PTPRD: variants seen among roughly 807,000 people sequenced by gnomAD.
PTPRD encodes receptor-type tyrosine-protein phosphatase delta.
In PTPRD, 34 loss-of-function variants were observed where a neutral mutation model predicts 214.5. That is an observed-to-expected ratio of 0.16 (90% CI 0.12 to 0.21). The LOEUF (loss-of-function observed/expected upper bound fraction) is 0.21. Ranked by LOEUF, PTPRD falls within the 10% of genes least tolerant of loss-of-function variation. PTPRD has a pLI of 1.00. For synonymous variants in PTPRD, 1,128 were observed against 845.7 expected, an observed-to-expected ratio of 1.33 and a Z score of -5.79; for missense variants, 2,545 against 2,398.7, an observed-to-expected ratio of 1.06 and a Z score of -1.27.
At chr9:9,946,136 C>A (rs939900464) in intron 4 of PTPRD, among the ~76,000 whole-genome samples, 5 of 147,572 alleles carry the variant, frequency 3.4e-5, no homozygotes, top group African/African-American at 1.3e-4. Flanking sequence ...CATACTAAAT[C>A]ATTACCTTGT....
intron 9 of PTPRD, among the ~76,000 whole-genome samples, chr9:9,322,380 A>G (rs1377588453): frequency 6.6e-6 from 1 of 152,172 alleles, no homozygotes. Context: ...GAGTATATTC[A>G]TTATTGTACA....
chr9:9,280,660 T>G (rs770942536), intron 9 of PTPRD, among the ~76,000 whole-genome samples: 2 of 151,278 alleles, frequency 1.3e-5, no homozygotes, highest in Non-Finnish European at 3.0e-5. Flanking sequence ...ATATTTCATG[T>G]TAATGAATAA....
At chr9:8,722,377 C>G (rs2098510088) in intron 12 of PTPRD, among the ~76,000 whole-genome samples, 1 of 152,054 alleles carries the variant, frequency 6.6e-6, no homozygotes, top group Admixed American at 6.6e-5. Flanking sequence ...GTTACTAACA[C>G]CATGTACTAT....
chr9:10,444,631 C>A (rs2098785860), intron 2 of PTPRD, among the ~76,000 whole-genome samples: 1 of 151,046 alleles, frequency 6.6e-6, no homozygotes, highest in Non-Finnish European at 1.5e-5. Context: ...AGATTAATGA[C>A]AAGTTTATTT....
chr9:10,477,637 A>G (rs1313122372), intron 2 of PTPRD, among the ~76,000 whole-genome samples: 3 of 152,152 alleles, frequency 2.0e-5, no homozygotes, highest in Non-Finnish European at 2.9e-5. Context: ...CTGGGTATAT[A>G]CCCAAAGGAT....
intron 7 of PTPRD, among the ~76,000 whole-genome samples, chr9:9,576,688 T>A (rs772870897): frequency 6.6e-6 from 1 of 152,182 alleles, no homozygotes; most frequent in Non-Finnish European, 1.5e-5. Flanking sequence ...AATATTACCA[T>A]TGTAGAATAA....
intron 30 of PTPRD, among the ~76,000 whole-genome samples, chr9:8,478,799 A>C (rs2135454043): frequency 6.6e-6 from 1 of 152,330 alleles, no homozygotes; most frequent in South Asian, 2.1e-4. Context: ...CCAAGTATGA[A>C]AGTAAAGAGA....
intron 3 of PTPRD, among the ~76,000 whole-genome samples, chr9:10,220,269 A>G (rs557409340): frequency 1.9e-4 from 29 of 152,018 alleles, no homozygotes; most frequent in African/African-American, 6.7e-4. Flanking sequence ...TATACTTACT[A>G]TGTTGCAGGC....
Position 8,733,846 on chromosome 9 carries a change from TGCAGCTTG to T in PTPRD, c.-11_-4del. On this transcript the variant is annotated 5_prime_UTR_variant, in exon 12 of 46. Transcript: ENST00000381196. ...AGCAGCCTGGCTACGTGCACCATCC[TGCAGCTTG>T]GCAGCAGCGTGCGCGAGCAGCTTGG... The T allele has an allele frequency of 6.4e-7, 1 of 1,551,142 alleles. No individual in the cohort carries two copies. Among genetic ancestry groups the T allele is most frequent in the East Asian group, 2.4e-5 (1 of 40,948 alleles).
intron 7 of PTPRD, among the ~76,000 whole-genome samples, chr9:9,688,088 CA>C (rs1167826260): frequency 6.6e-6 from 1 of 151,810 alleles, no homozygotes; most frequent in Non-Finnish European, 1.5e-5. Flanking sequence ...GCTTCTCCCT[CA>C]ACTTCTGCCA....
intron 8 of PTPRD, among the ~76,000 whole-genome samples, chr9:9,424,490 G>A (rs906780684): frequency 4.6e-5 from 7 of 152,168 alleles, no homozygotes; most frequent in Non-Finnish European, 1.0e-4. Context: ...GGGATGACAT[G>A]TAGAAGAAAA....
chr9:10,537,436 G>A (rs985709881), intron 2 of PTPRD, among the ~76,000 whole-genome samples: 1 of 152,070 alleles, frequency 6.6e-6, no homozygotes, highest in Non-Finnish European at 1.5e-5. Flanking sequence ...ATGTGAGATC[G>A]AGTATGTAAA....
intron 9 of PTPRD, among the ~76,000 whole-genome samples, chr9:9,224,616 G>T (rs1414701128): frequency 6.6e-6 from 1 of 151,806 alleles, no homozygotes; most frequent in African/African-American, 2.4e-5. Flanking sequence ...TATTAATTAT[G>T]GTTATATTTT....
intron 5 of PTPRD, among the ~76,000 whole-genome samples, chr9:9,855,870 C>A (rs1340897028): frequency 6.6e-6 from 1 of 152,214 alleles, no homozygotes; most frequent in Non-Finnish European, 1.5e-5. Context: ...TAAGCGCTAG[C>A]AGCTCAGTGG....
At chr9:10,541,926 TA>T (rs776964533) in intron 2 of PTPRD, among the ~76,000 whole-genome samples, 1 of 152,246 alleles carries the variant, frequency 6.6e-6, no homozygotes, top group South Asian at 2.1e-4. Flanking sequence ...CCCTGGCAGA[TA>T]AAACTGAAGT....
intron 12 of PTPRD, among the ~76,000 whole-genome samples, chr9:8,728,753 G>C (rs532861323): frequency 6.6e-6 from 1 of 152,292 alleles, no homozygotes; most frequent in African/African-American, 2.4e-5. Context: ...GCTGAGGCAA[G>C]TGGATGATTT....
chr9:9,056,132 G>T (rs568005984), intron 10 of PTPRD, among the ~76,000 whole-genome samples: 1 of 152,090 alleles, frequency 6.6e-6, no homozygotes, highest in Non-Finnish European at 1.5e-5. Context: ...TAGACTTCTA[G>T]ACCTCAGTAT....
At position 9,898,931 on chromosome 9, in the gene PTPRD, G is replaced by C. The variant is rs541334888; in HGVS notation, c.-368+39576C>G. ...CTCCAGGATTTTCTTGTTTTCTTTT[G>C]AAAGGAAAAACAAAGCTGTCTTTAT... On this transcript the variant is annotated intron_variant, in intron 5 of 45. Transcript: ENST00000381196. Among the ~76,000 whole-genome samples the C allele has an allele frequency of 5.3e-5, 8 of 151,972 alleles. No individual in the cohort carries two copies. The South Asian group carries it at 1.7e-3, about 32-fold the overall frequency.
chr9:8,401,075 A>G lies in PTPRD; in HGVS notation c.4210+3462T>C, dbSNP rs775386295. 2.0e-5 allele frequency among the ~76,000 whole-genome samples: 3 copies of G among 152,232 alleles called. No individual in the cohort carries two copies. In the South Asian group the frequency reaches 6.2e-4, roughly 32 times the overall value. On this transcript the variant is annotated intron_variant, in intron 36 of 45. Transcript: ENST00000381196. ...TGGATTCTACAAGTTTAGGCATAAT[A>G]TTATATATTCTGTTTATGCACATCC...
Sources: allele counts gnomAD v4.1 joint callset (sites outside exome capture counted in the v4.1 genomes callset), GRCh38; gene constraint gnomAD v4.1.1; transcripts MANE v1.5; gene names NCBI Gene and HGNC (gene_info 2026-07-23, HGNC 2026-07-21).